SPAG9: variants seen among roughly 807,000 people sequenced by gnomAD.
SPAG9 encodes the protein C-Jun-amino-terminal kinase-interacting protein 4.
A neutral mutation model predicts 166.5 loss-of-function variants in SPAG9; 35 were observed. The observed-to-expected ratio is 0.21, with a 90% CI of 0.16 to 0.28. SPAG9 has a LOEUF of 0.28. Among genes scored for constraint, SPAG9 ranks in the 10% least tolerant of loss-of-function variants. SPAG9 has a pLI of 1.00. For synonymous variants in SPAG9, 534 were observed against 565.5 expected (o/e 0.94, Z 0.79); for missense variants, 1,235 against 1,603.3 (o/e 0.77, Z 3.92).
intron 1 of SPAG9, among the ~76,000 whole-genome samples, chr17:51,081,611 G>A (rs910925020): frequency 2.7e-5 from 4 of 150,510 alleles, no homozygotes; most frequent in African/African-American, 7.4e-5. Flanking sequence ...GGTCTGGGGC[G>A]CATGCCTGTA....
intron 1 of SPAG9, among the ~76,000 whole-genome samples, chr17:51,088,068 T>C (rs549493698): frequency 6.6e-6 from 1 of 152,288 alleles, no homozygotes; most frequent in African/African-American, 2.4e-5. Context: ...TAAAGTCTTC[T>C]TGATTTACTT....
intron 6 of SPAG9, 70 bp from the exon 7 acceptor site, chr17:51,021,435 G>A: frequency 6.5e-6 from 8 of 1,232,170 alleles, no homozygotes; most frequent in African/African-American, 1.5e-5. Context: ...TAAATGGGTT[G>A]AGAAATAAAT....
At chr17:51,028,253 T>C (rs1457134954) in intron 6 of SPAG9, among the ~76,000 whole-genome samples, 1 of 152,096 alleles carries the variant, frequency 6.6e-6, no homozygotes. Flanking sequence ...GTTAATTTAT[T>C]ATTGAAGAAA....
chr17:51,102,963 A>C (rs2048848188), intron 1 of SPAG9, among the ~76,000 whole-genome samples: 1 of 152,114 alleles, frequency 6.6e-6, no homozygotes, highest in Non-Finnish European at 1.5e-5. Context: ...AATTCCAATG[A>C]TCTTAACATT....
chr17:51,033,943 T>C (rs376506063), intron 5 of SPAG9, among the ~76,000 whole-genome samples: 19 of 152,258 alleles, frequency 1.2e-4, no homozygotes, highest in African/African-American at 4.6e-4. Flanking sequence ...ACCGCCATTT[T>C]GAAAGTGCTG....
chr17:51,079,798 T>C (rs2048111962), intron 1 of SPAG9, 94 bp from the exon 2 acceptor site: 1 of 818,264 alleles, frequency 1.2e-6, no homozygotes, highest in Admixed American at 2.5e-5. Flanking sequence ...CACAATTAGG[T>C]ATTAACTACT....
chr17:51,096,170 A>G (rs1448927223), intron 1 of SPAG9, among the ~76,000 whole-genome samples: 1 of 150,584 alleles, frequency 6.6e-6, no homozygotes, highest in East Asian at 1.9e-4. Context: ...ACATGGTAAA[A>G]CCCTGACTCT....
At chr17:51,067,843 G>T (rs373101293) in intron 2 of SPAG9, among the ~76,000 whole-genome samples, 1 of 152,156 alleles carries the variant, frequency 6.6e-6, no homozygotes, top group African/African-American at 2.4e-5. Flanking sequence ...CATTTTGAGC[G>T]CTCTTTCTAT....
intron 3 of SPAG9, among the ~76,000 whole-genome samples, chr17:51,051,048 A>C (rs939689234): frequency 2.0e-5 from 3 of 150,008 alleles, no homozygotes; most frequent in African/African-American, 7.6e-5. Context: ...AAAAAACAAA[A>C]AGAAAAAGAA....
chr17:51,020,815 T>A (rs1018389402), intron 7 of SPAG9, among the ~76,000 whole-genome samples: 13 of 152,220 alleles, frequency 8.5e-5, no homozygotes, highest in African/African-American at 2.9e-4. Flanking sequence ...TGGCATTGTA[T>A]TTGCATACAA....
At chr17:51,073,630 GGAATGTTTAA>G (rs1340991894) in intron 2 of SPAG9, among the ~76,000 whole-genome samples, 2 of 151,820 alleles carry the variant, frequency 1.3e-5, no homozygotes, top group Non-Finnish European at 2.9e-5. Context: ...AAAAAGTGGG[GGAATGTTTAA>G]GTGTGGTAAA....
chr17:51,054,116 CTTTTTTTTTTTT>C (rs1157639358), intron 3 of SPAG9, among the ~76,000 whole-genome samples: 3 of 73,948 alleles, frequency 4.1e-5, no homozygotes, highest in Non-Finnish European at 7.3e-5. Flanking sequence ...AATGTGAGGG[CTTTTTTTTTTTT>C]TTTTTTTTTT....
chr17:51,094,634 T>C (rs935034014), intron 1 of SPAG9, among the ~76,000 whole-genome samples: 1 of 152,224 alleles, frequency 6.6e-6, no homozygotes, highest in African/African-American at 2.4e-5. Flanking sequence ...AATAACTGGA[T>C]TGAAATAGCA....
Position 51,006,074 on chromosome 17 carries a change from T to C in SPAG9, c.1424+11A>G. On this transcript the variant is annotated intron_variant, in intron 11 of 29. Transcript: ENST00000262013. ...AAGAGTTTGGTTTAGAACAACACAGTTAAAACTTACTTCCTAAGCTCTTCC... is the reference window on the plus strand; with the variant it reads ...AAGAGTTTGGTTTAGAACAACACAGCTAAAACTTACTTCCTAAGCTCTTCC... 2.5e-6 allele frequency: 4 copies of C among 1,613,974 alleles called. No homozygotes were observed. Among genetic ancestry groups the C allele is most frequent in the Non-Finnish European group, 1.7e-6 (2 of 1,179,888 alleles).
intron 1 of SPAG9, among the ~76,000 whole-genome samples, chr17:51,107,678 A>G (rs535985860): frequency 4.2e-4 from 63 of 151,750 alleles, no homozygotes; most frequent in African/African-American, 1.4e-3. Flanking sequence ...TGGAGGTTGC[A>G]GTGAGCCGAG....
chr17:51,060,838 GT>G (rs371247482), intron 2 of SPAG9, among the ~76,000 whole-genome samples: 9 of 146,748 alleles, frequency 6.1e-5, no homozygotes, highest in Non-Finnish European at 8.9e-5. Context: ...AGAGAAAAGG[GT>G]TTTTTTTGTT....
intron 13 of SPAG9, among the ~76,000 whole-genome samples, chr17:51,000,747 AAATGAATG>A (rs146063281): frequency 9.2e-4 from 123 of 133,862 alleles, no homozygotes; most frequent in African/African-American, 3.3e-3. Context: ...CCATCTCAAT[AAATGAATG>A]AATAAATAAA....
At chr17:51,086,489 T>C (rs1235884742) in intron 1 of SPAG9, among the ~76,000 whole-genome samples, 1 of 134,262 alleles carries the variant, frequency 7.4e-6, no homozygotes, top group South Asian at 2.3e-4. Context: ...GAAAACACGA[T>C]AAAAAAAAAA....
Position 50,987,104 on chromosome 17 carries a change from A to T in SPAG9, c.2939+8T>A. ...ACATATTCTAATGTTAAAAGCATTG[A>T]CACCTACCAGCCATTTTGAGCTCCA... On this transcript the variant is annotated splice_region_variant and intron_variant, in intron 22 of 29. Coordinates refer to ENST00000262013, the MANE Select transcript of SPAG9 (RefSeq NM_001130528.3). 1 of 1,602,146 alleles carries T rather than the reference A, an allele frequency of 6.2e-7. No individual in the cohort carries two copies. Among genetic ancestry groups the T allele is most frequent in the Middle Eastern group, 1.7e-4 (1 of 6,012 alleles).
Sources: gnomAD v4.1 joint callset for allele counts (sites outside exome capture counted in the v4.1 genomes callset) on GRCh38, gnomAD v4.1.1 for gene constraint, MANE v1.5 for transcripts, NCBI Gene and HGNC (gene_info 2026-07-23, HGNC 2026-07-21) for gene names.